TAB2: variants seen among roughly 807,000 people sequenced by gnomAD.
The protein encoded by TAB2 is TGF-beta-activated kinase 1 and MAP3K7-binding protein 2.
In TAB2, 3 loss-of-function variants were observed where a neutral mutation model predicts 65.0. The ratio of observed to expected loss-of-function variants is 0.05; its 90% CI spans 0.02 to 0.12. TAB2 has a LOEUF of 0.12. Ranked by LOEUF, TAB2 falls within the 10% of genes least tolerant of loss-of-function variation. The pLI, the probability that TAB2 is intolerant of heterozygous loss-of-function variation, is 1.00. For synonymous variants in TAB2, 298 were observed against 285.1 expected (o/e 1.05, Z -0.46); for missense variants, 623 against 840.3 (o/e 0.74, Z 3.20).
At chr6:149,376,029 C>T (rs1480071379) in intron 2 of TAB2, among the ~76,000 whole-genome samples, 1 of 152,140 alleles carries the variant, frequency 6.6e-6, no homozygotes, top group African/African-American at 2.4e-5. Flanking sequence ...TGCCTGTGGA[C>T]ATTTTAACTT....
intron 1 of TAB2, among the ~76,000 whole-genome samples, chr6:149,337,486 A>T (rs946104221): frequency 1.3e-5 from 2 of 152,202 alleles, no homozygotes; most frequent in African/African-American, 2.4e-5. Context: ...GATAAGCAGG[A>T]AAGGAGCCTT....
intron 2 of TAB2, among the ~76,000 whole-genome samples, chr6:149,375,006 T>C (rs1160330776): frequency 6.6e-6 from 1 of 152,198 alleles, no homozygotes; most frequent in African/African-American, 2.4e-5. Context: ...TACAAAGACA[T>C]TTTTATGCTT....
At chr6:149,377,114 G>A (rs1781426709) in intron 2 of TAB2, among the ~76,000 whole-genome samples, 1 of 147,376 alleles carries the variant, frequency 6.8e-6, no homozygotes, top group Admixed American at 6.8e-5. Flanking sequence ...CTGTCACCCA[G>A]GCTGGAGTGC....
chr6:149,381,048 A>G (rs1329069673), intron 3 of TAB2, among the ~76,000 whole-genome samples: 4 of 152,194 alleles, frequency 2.6e-5, no homozygotes, highest in Non-Finnish European at 5.9e-5. Flanking sequence ...TTGAGGTTGC[A>G]GGGCACCACT....
chr6:149,235,414 A>T (rs1253240799), intron 1 of TAB2, among the ~76,000 whole-genome samples: 1 of 152,242 alleles, frequency 6.6e-6, no homozygotes, highest in African/African-American at 2.4e-5. Context: ...TAAAAATTTG[A>T]AACATCCTAT....
rs543160523 is a variant in TAB2 at position 149,309,370 on chromosome 6, C to T, written c.-120-68648C>T. The stretch of plus-strand genomic sequence containing the variant: ...TTTTGTGTGGTCAAGTATGTCATAC[C>T]AATGCCTCCCCACCCCAACACCAAT... On this transcript the variant is annotated intron_variant, in intron 1 of 1. Coordinates refer to the TAB2 transcript ENST00000606202. 2.6e-5 allele frequency among the ~76,000 whole-genome samples: 4 copies of T among 151,740 alleles called. No homozygotes were observed. In the South Asian group the frequency reaches 8.4e-4, roughly 32 times the overall value.
chr6:149,367,574 A>C (rs978063104), intron 1 of TAB2, among the ~76,000 whole-genome samples: 2 of 152,164 alleles, frequency 1.3e-5, no homozygotes, highest in Admixed American at 6.5e-5. Flanking sequence ...CACAAAGATC[A>C]CGCCGCTCAG....
chr6:149,257,742 G>T (rs1033765730), intron 1 of TAB2, among the ~76,000 whole-genome samples: 5 of 152,082 alleles, frequency 3.3e-5, no homozygotes, highest in African/African-American at 1.2e-4. Context: ...CTTGGAGTCT[G>T]CATTTTAACA....
At chr6:149,289,205 T>C (rs773090833) in intron 1 of TAB2, among the ~76,000 whole-genome samples, 1 of 151,900 alleles carries the variant, frequency 6.6e-6, no homozygotes, top group Non-Finnish European at 1.5e-5. Context: ...CTCAAAACCA[T>C]CCAATGGCCT....
chr6:149,265,846 G>A (rs940978202), intron 1 of TAB2, among the ~76,000 whole-genome samples: 3 of 152,186 alleles, frequency 2.0e-5, no homozygotes, highest in African/African-American at 4.8e-5. Flanking sequence ...GTCACCCACC[G>A]CAGGTCCCAC....
At chr6:149,295,952 A>G (rs1049620683) in intron 1 of TAB2, among the ~76,000 whole-genome samples, 2 of 152,066 alleles carry the variant, frequency 1.3e-5, no homozygotes, top group Non-Finnish European at 2.9e-5. Context: ...TTGTACTTTT[A>G]GTAGAAATGG....
At chr6:149,359,272 A>C (rs962138511) in intron 1 of TAB2, among the ~76,000 whole-genome samples, 1 of 152,162 alleles carries the variant, frequency 6.6e-6, no homozygotes, top group Non-Finnish European at 1.5e-5. Context: ...ATTCCATAGC[A>C]GTTTTACTTT....
intron 5 of TAB2, 61 bp downstream of exon 5, chr6:149,398,123 G>C (rs1782238174): frequency 7.1e-7 from 1 of 1,412,252 alleles, no homozygotes; most frequent in African/African-American, 1.4e-5. Context: ...CAGTTTTTCT[G>C]TGGCTAAAAA....
chr6:149,298,540 CTTG>C (rs1778917524), intron 1 of TAB2, among the ~76,000 whole-genome samples: 3 of 152,030 alleles, frequency 2.0e-5, no homozygotes, highest in Admixed American at 6.6e-5. Flanking sequence ...AGGTGGGAGA[CTTG>C]CTTGATCCCG....
chr6:149,279,110 C>G (rs1041458267), intron 1 of TAB2, among the ~76,000 whole-genome samples: 1 of 152,138 alleles, frequency 6.6e-6, no homozygotes, highest in Non-Finnish European at 1.5e-5. Context: ...AAATCTGGCT[C>G]CTGCCCACAT....
intron 3 of TAB2, among the ~76,000 whole-genome samples, chr6:149,385,476 A>G (rs1781760321): frequency 2.0e-5 from 3 of 152,256 alleles, no homozygotes; most frequent in Non-Finnish European, 4.4e-5. Flanking sequence ...AGCCAGGGCA[A>G]TGTAGCAAGA....
intron 1 of TAB2, among the ~76,000 whole-genome samples, chr6:149,226,447 T>C (rs1427672445): frequency 1.3e-5 from 2 of 152,234 alleles, no homozygotes; most frequent in Non-Finnish European, 2.9e-5. Flanking sequence ...TATTCCGTGG[T>C]CAGTCCCCAC....
chr6:149,281,479 G>A (rs1778571829), intron 1 of TAB2, among the ~76,000 whole-genome samples: 1 of 139,484 alleles, frequency 7.2e-6, no homozygotes, highest in African/African-American at 2.7e-5. Context: ...AATCCCAGCT[G>A]AAGAGGCTGA....
At chr6:149,254,319 A>C (rs1202275448) in intron 1 of TAB2, among the ~76,000 whole-genome samples, 1 of 152,190 alleles carries the variant, frequency 6.6e-6, no homozygotes, top group African/African-American at 2.4e-5. Flanking sequence ...GAACCATGTG[A>C]AGCCTGACCA....
Sources: allele counts gnomAD v4.1 joint callset (sites outside exome capture counted in the v4.1 genomes callset), GRCh38; gene constraint gnomAD v4.1.1; transcripts MANE v1.5; gene names NCBI Gene and HGNC (gene_info 2026-07-23, HGNC 2026-07-21).